The following MX2 variants were observed in gnomAD, a reference collection of about 807,000 sequenced individuals.
MX2 encodes the protein interferon-induced GTP-binding protein Mx2.
MX2 carries 51 observed loss-of-function variants against 74.0 expected under a neutral mutation model. The observed-to-expected ratio is 0.69, with a 90% confidence interval of 0.55 to 0.87. The LOEUF is 0.87. Ranked by LOEUF, MX2 falls within the 40% of genes least tolerant of loss-of-function variation. The pLI is 0.00. For synonymous variants in MX2, 369 were observed against 339.3 expected (o/e 1.09, Z -0.96); for missense variants, 832 against 908.7 (o/e 0.92, Z 1.09).
At chr21:41,362,414 C>G (rs1388572507) in intron 1 of MX2, among the ~76,000 whole-genome samples, 1 of 151,850 alleles carries the variant, frequency 6.6e-6, no homozygotes, top group East Asian at 1.9e-4. Context: ...AGCTTTGTGC[C>G]CGAAAAGTCG....
At chr21:41,397,518 C>T (rs1302622794) in intron 7 of MX2, 95 bp from the exon 8 acceptor site, 8 of 1,099,786 alleles carry the variant, frequency 7.3e-6, no homozygotes, top group South Asian at 4.2e-5. Context: ...CGTGTTGCCC[C>T]GGGGAGCTGG....
chr21:41,405,490 G>A (rs921812976), intron 12 of MX2, among the ~76,000 whole-genome samples: 2 of 151,866 alleles, frequency 1.3e-5, no homozygotes, highest in Admixed American at 1.3e-4. Flanking sequence ...ATCCTCACAC[G>A]GTGGAAAGAG....
At chr21:41,394,087 T>C (rs1226129544) in intron 6 of MX2, among the ~76,000 whole-genome samples, 1 of 152,232 alleles carries the variant, frequency 6.6e-6, no homozygotes, top group East Asian at 1.9e-4. Context: ...AACATTCTCC[T>C]GCTGTTCGAG....
At chr21:41,378,142 GGA>G (rs139720975) in intron 3 of MX2, among the ~76,000 whole-genome samples, 161 bp downstream of exon 3, 12 of 141,520 alleles carry the variant, frequency 8.5e-5, no homozygotes, top group African/African-American at 2.5e-4. Context: ...CAGGCCACTG[GGA>G]GAGACAGGCC....
chr21:41,400,070 C>G (rs866580176), intron 10 of MX2, among the ~76,000 whole-genome samples: 13 of 152,192 alleles, frequency 8.5e-5, no homozygotes, highest in Middle Eastern at 6.3e-3. Context: ...GCCAGCTGGC[C>G]ATGGTGCCTG....
chr21:41,362,754 T>TGTTTTTTTC (rs1555874283), intron 1 of MX2, among the ~76,000 whole-genome samples: 1 of 66,612 alleles, frequency 1.5e-5, no homozygotes, highest in Non-Finnish European at 3.5e-5. Flanking sequence ...TTTTTTCTTT[T>TGTTTTTTTC]TTTTTTTTTT....
chr21:41,383,609 C>T (rs2089527804), intron 5 of MX2, among the ~76,000 whole-genome samples: 1 of 152,198 alleles, frequency 6.6e-6, no homozygotes, highest in African/African-American at 2.4e-5. Flanking sequence ...TTCCTGGCTT[C>T]TTCCATTTTG....
intron 8 of MX2, among the ~76,000 whole-genome samples, chr21:41,398,563 C>T (rs1419546581): frequency 6.6e-6 from 1 of 152,192 alleles, no homozygotes; most frequent in Non-Finnish European, 1.5e-5. Context: ...GATTCCAGAT[C>T]CTAGGACTTG....
At chr21:41,374,351 G>A (rs889169690) in intron 1 of MX2, among the ~76,000 whole-genome samples, 3 of 152,244 alleles carry the variant, frequency 2.0e-5, no homozygotes, top group African/African-American at 7.2e-5. Context: ...ACCTGCCTCT[G>A]GAGGACACTC....
At chr21:41,374,492 C>T (rs547694869) in intron 1 of MX2, among the ~76,000 whole-genome samples, 9 of 152,342 alleles carry the variant, frequency 5.9e-5, no homozygotes, top group South Asian at 2.1e-4. Flanking sequence ...GCCCCGACAG[C>T]AGACCCCATG....
At chr21:41,362,208 G>C (rs1401686120) in intron 1 of MX2, among the ~76,000 whole-genome samples, 153 bp downstream of exon 1, 5 of 152,120 alleles carry the variant, frequency 3.3e-5, no homozygotes, top group Non-Finnish European at 7.3e-5. Flanking sequence ...TCTGGTGTGA[G>C]GAGCAGAAAG....
intron 12 of MX2, among the ~76,000 whole-genome samples, chr21:41,405,190 C>T (rs781584349): frequency 1.1e-3 from 161 of 150,796 alleles, no homozygotes; most frequent in Non-Finnish European, 1.4e-3. Context: ...ACCTGGGAGG[C>T]GGAGGTTGCA....
At chr21:41,405,654 C>A in intron 12 of MX2, among the ~76,000 whole-genome samples, 1 of 151,428 alleles carries the variant, frequency 6.6e-6, no homozygotes, top group African/African-American at 2.4e-5. Flanking sequence ...CAGTCCATGG[C>A]AGTGACCCTG....
At chr21:41,387,511 C>T (rs1375697382) in intron 5 of MX2, among the ~76,000 whole-genome samples, 1 of 152,224 alleles carries the variant, frequency 6.6e-6, no homozygotes, top group Non-Finnish European at 1.5e-5. Flanking sequence ...TCTTCGCTGG[C>T]ATCTGGGCAC....
rs890756892 is a variant in MX2 at position 41,384,426 on chromosome 21, A to C, written c.732+1862A>C. Among the ~76,000 whole-genome samples, 5 of 152,264 alleles carry C rather than the reference A, an allele frequency of 3.3e-5. No individual in the cohort carries two copies. In the East Asian group the frequency reaches 7.7e-4, roughly 23 times the overall value. ...AAAAGCAAGTTGGTTGAGACGGCAA[A>C]ATTTTTCCGTTGTTGTAAATATTGG... On this transcript the variant is annotated intron_variant, in intron 5 of 13. Transcript: ENST00000330714.
intron 8 of MX2, 136 bp downstream of exon 8, chr21:41,397,827 C>G: frequency 1.6e-6 from 1 of 641,276 alleles, no homozygotes; most frequent in Non-Finnish European, 2.7e-6. Context: ...GTCTCACTCA[C>G]TGTCACAGGC....
chr21:41,391,476 T>C (rs1396366129), intron 6 of MX2, among the ~76,000 whole-genome samples: 2 of 151,272 alleles, frequency 1.3e-5, no homozygotes, highest in Non-Finnish European at 2.9e-5. Flanking sequence ...AACCTCTGCC[T>C]CCTGGATTCA....
At chr21:41,391,417 C>T (rs1479179491) in intron 6 of MX2, among the ~76,000 whole-genome samples, 11 of 143,040 alleles carry the variant, frequency 7.7e-5, no homozygotes, top group Non-Finnish European at 1.2e-4. Flanking sequence ...GACAGAGTTT[C>T]ACTCTATCCC....
intron 5 of MX2, among the ~76,000 whole-genome samples, chr21:41,389,104 A>T (rs2089621124): frequency 6.6e-6 from 1 of 152,178 alleles, no homozygotes; most frequent in Admixed American, 6.5e-5. Context: ...CACAAGCAAG[A>T]AGAGAGTTTT....
Sources: gnomAD v4.1 joint callset for allele counts (sites outside exome capture counted in the v4.1 genomes callset) on GRCh38, gnomAD v4.1.1 for gene constraint, MANE v1.5 for transcripts, NCBI Gene and HGNC (gene_info 2026-07-23, HGNC 2026-07-21) for gene names.